KIF6: variants seen among roughly 807,000 people sequenced by gnomAD.
The protein encoded by KIF6 is kinesin-like protein KIF6.
Under a neutral mutation model 112.7 loss-of-function variants are expected in KIF6, and 106 were observed. The observed-to-expected ratio is 0.94, with a 90% CI of 0.80 to 1.11. The LOEUF is 1.11. Ranked by LOEUF, KIF6 falls within the 50% of genes least tolerant of loss-of-function variation. The pLI, the probability that KIF6 is intolerant of heterozygous loss-of-function variation, is 0.00. For synonymous variants in KIF6, 339 were observed against 339.9 expected (o/e 1.00, Z 0.03); for missense variants, 929 against 964.0 (o/e 0.96, Z 0.48).
intron 13 of KIF6, among the ~76,000 whole-genome samples, chr6:39,448,129 C>T (rs1343076792): frequency 6.6e-6 from 1 of 152,078 alleles, no homozygotes; most frequent in African/African-American, 2.4e-5. Flanking sequence ...AGAGCTCCTA[C>T]CTCTCTGGCC....
chr6:39,436,656 T>C (rs1771554149), intron 13 of KIF6, among the ~76,000 whole-genome samples: 1 of 152,192 alleles, frequency 6.6e-6, no homozygotes, highest in African/African-American at 2.4e-5. Flanking sequence ...TTGTCTGCAT[T>C]GTCAAAGATC....
intron 10 of KIF6, among the ~76,000 whole-genome samples, chr6:39,564,997 T>C (rs1043861638): frequency 8.5e-5 from 13 of 152,216 alleles, no homozygotes; most frequent in Non-Finnish European, 1.8e-4. Flanking sequence ...TTACAAGTTC[T>C]CAAATCTTTA....
chr6:39,393,903 C>T (rs1028304923), intron 15 of KIF6, among the ~76,000 whole-genome samples: 3 of 151,860 alleles, frequency 2.0e-5, no homozygotes, highest in African/African-American at 7.3e-5. Flanking sequence ...CGACAGAAGC[C>T]AAGGAAGAAG....
intron 15 of KIF6, among the ~76,000 whole-genome samples, chr6:39,419,123 G>A (rs1019074304): frequency 7.2e-5 from 11 of 152,070 alleles, no homozygotes; most frequent in Admixed American, 2.6e-4. Flanking sequence ...GGAGGCCGAG[G>A]TGGGTGGATC....
chr6:39,455,230 T>G (rs1772989476), intron 13 of KIF6, among the ~76,000 whole-genome samples: 1 of 151,764 alleles, frequency 6.6e-6, no homozygotes, highest in Non-Finnish European at 1.5e-5. Context: ...CCGAGCAGCC[T>G]AACTGGGAGG....
At chr6:39,362,633 G>C (rs920150763) in intron 16 of KIF6, 115 bp from the exon 17 acceptor site, 1 of 795,694 alleles carries the variant, frequency 1.3e-6, no homozygotes, top group African/African-American at 1.7e-5. Context: ...GCCTCTGTGA[G>C]TTCCTTCTGG....
At chr6:39,380,812 A>G (rs1311073724) in intron 16 of KIF6, among the ~76,000 whole-genome samples, 1 of 152,274 alleles carries the variant, frequency 6.6e-6, no homozygotes, top group Non-Finnish European at 1.5e-5. Flanking sequence ...CAGTGGATAC[A>G]GATCACTTCA....
In KIF6 at chr6:39,384,221, T is replaced by A. The variant is rs142336262; in HGVS notation, c.1861+1401A>T. Among the ~76,000 whole-genome samples the A allele has an allele frequency of 8.7e-4, 132 of 152,328 alleles. 1 individual carries two copies. The highest frequency in any genetic ancestry group is 3.0e-3 in the African/African-American group (124 of 41,580). ...CATGAAGGCTGAAGAAGAGGGCAGA[T>A]GTTTCAGGGCCAGGTGGCAGCCCTT... On this transcript the variant is annotated intron_variant, in intron 16 of 22. Coordinates refer to ENST00000287152, the MANE Select transcript of KIF6 (RefSeq NM_145027.6).
At chr6:39,431,957 AT>A (rs59169231) in intron 13 of KIF6, among the ~76,000 whole-genome samples, 19,829 of 141,208 alleles carry the variant, frequency 0.14, 1,829 homozygotes, top group East Asian at 0.26. Context: ...CTATAGAGCC[AT>A]TTTTTTTTTT....
chr6:39,561,301 T>C (rs1339408677), intron 10 of KIF6, among the ~76,000 whole-genome samples: 3 of 152,288 alleles, frequency 2.0e-5, no homozygotes, highest in Middle Eastern at 3.4e-3. Flanking sequence ...AGTCATAAAG[T>C]GTTTTTCAAG....
intron 3 of KIF6, among the ~76,000 whole-genome samples, chr6:39,678,356 T>C (rs887554873): frequency 2.6e-5 from 4 of 152,246 alleles, no homozygotes; most frequent in African/African-American, 9.6e-5. Flanking sequence ...CTTGGAATCA[T>C]GTGTCAGGTG....
chr6:39,331,429 G>C lies in KIF6; in HGVS notation c.*5103C>G, dbSNP rs1451084904. The C allele has an allele frequency of 6.6e-6, 1 of 151,540 alleles. No homozygotes were observed. Among genetic ancestry groups the C allele is most frequent in the African/African-American group, 2.4e-5 (1 of 41,092 alleles). The allele number at this position is 151,540 out of a possible 1,614,324, so 9.4% of individuals were successfully genotyped here. On this transcript the variant is annotated 3_prime_UTR_variant, in exon 23 of 23. Transcript: ENST00000287152. ...GAAGGAGTCTCGCTCTTGTTGCCCA[G>C]GTTGGAGTGCAGTGGCACGATCTCA...
chr6:39,667,015 C>T (rs942658459), intron 3 of KIF6, among the ~76,000 whole-genome samples: 1 of 152,052 alleles, frequency 6.6e-6, no homozygotes, highest in Non-Finnish European at 1.5e-5. Flanking sequence ...AGCCTTTTTG[C>T]ACGGGAACAG....
chr6:39,430,257 C>T (rs1158585341), intron 14 of KIF6, among the ~76,000 whole-genome samples: 1 of 152,130 alleles, frequency 6.6e-6, no homozygotes, highest in Non-Finnish European at 1.5e-5. Flanking sequence ...TCAGCACTGC[C>T]ACATGTTCTC....
intron 3 of KIF6, chr6:39,690,238 A>G (rs922691199): frequency 6.6e-6 from 1 of 152,186 alleles, no homozygotes; most frequent in Non-Finnish European, 1.5e-5. Flanking sequence ...GGAGTTTTCA[A>G]TAATATATTA....
Position 39,345,804 on chromosome 6 carries a change from C to CTGCA in KIF6, c.2232-16_2232-15insTGCA. On this transcript the variant is annotated splice_polypyrimidine_tract_variant and intron_variant, in intron 20 of 22. Transcript: ENST00000287152. ...CATTCACATCACTGCAAAACACAAA[C>CTGCA]AAACAAAAGCAAAAGGAATGGGGGC... is the stretch of plus-strand genomic sequence containing the variant. 6.2e-7 allele frequency: 1 copy of CTGCA among 1,602,994 alleles called. No homozygotes were observed. Among genetic ancestry groups the CTGCA allele is most frequent in the Non-Finnish European group, 8.5e-7 (1 of 1,172,532 alleles).
intron 22 of KIF6, among the ~76,000 whole-genome samples, chr6:39,336,794 T>C (rs1032841280): frequency 9.1e-6 from 1 of 109,318 alleles, no homozygotes; most frequent in Non-Finnish European, 1.7e-5. Flanking sequence ...CCCACCGTTT[T>C]CTTTCCTTTT....
chr6:39,579,265 C>T (rs1423822337), intron 9 of KIF6, among the ~76,000 whole-genome samples: 1 of 152,090 alleles, frequency 6.6e-6, no homozygotes, highest in Non-Finnish European at 1.5e-5. Context: ...TTTCATTTTG[C>T]CAATCTGTTA....
At chr6:39,376,743 C>A (rs62402228) in intron 16 of KIF6, among the ~76,000 whole-genome samples, 2,190 of 152,240 alleles carry the variant, frequency 0.014, 19 homozygotes, top group Non-Finnish European at 0.024. Flanking sequence ...CCAGAGGGAG[C>A]TGAGATAGCT....
Sources: gnomAD v4.1 joint callset for allele counts (sites outside exome capture counted in the v4.1 genomes callset) on GRCh38, gnomAD v4.1.1 for gene constraint, MANE v1.5 for transcripts, NCBI Gene and HGNC (gene_info 2026-07-23, HGNC 2026-07-21) for gene names.